Variants in FSTL4 observed in about 807,000 individuals in gnomAD.
The protein encoded by FSTL4 is follistatin like 4, also known as follistatin-related protein 4.
FSTL4 carries 28 observed loss-of-function variants against 78.2 expected under a neutral mutation model. The ratio of observed to expected loss-of-function variants is 0.36; its 90% CI spans 0.27 to 0.49. FSTL4 has a LOEUF of 0.49. Among genes scored for constraint, FSTL4 ranks in the 20% least tolerant of loss-of-function variants. The pLI, the probability that FSTL4 is intolerant of heterozygous loss-of-function variation, is 0.98. For missense variants in FSTL4, 922 were observed against 1,084.9 expected, an observed-to-expected ratio of 0.85 and a Z score of 2.11; for synonymous variants, 422 against 440.5, an observed-to-expected ratio of 0.96 and a Z score of 0.53.
chr5:133,560,858 G>A (rs901766372), intron 3 of FSTL4, among the ~76,000 whole-genome samples: 67 of 151,120 alleles, frequency 4.4e-4, no homozygotes, highest in Admixed American at 4.1e-3. Context: ...AGGCTGAGGC[G>A]GGCAGATCAC....
chr5:133,732,878 G>T, the FSTL4 span, among the ~76,000 whole-genome samples: 1 of 152,204 alleles, frequency 6.6e-6, no homozygotes, highest in Admixed American at 6.5e-5. Context: ...CCCAGCCAGT[G>T]AACAGGGAGA....
the FSTL4 span, among the ~76,000 whole-genome samples, chr5:133,841,893 G>A: frequency 6.6e-6 from 1 of 152,232 alleles, no homozygotes; most frequent in African/African-American, 2.4e-5. Context: ...GCAGAAAAAG[G>A]GCTAAGCAGG....
At chr5:133,362,725 A>G (rs973309616) in intron 4 of FSTL4, among the ~76,000 whole-genome samples, 3 of 152,236 alleles carry the variant, frequency 2.0e-5, no homozygotes, top group Non-Finnish European at 2.9e-5. Flanking sequence ...GGCGAGGCTG[A>G]GCACAGGAGG....
At chr5:133,472,289 T>C (rs1757840729) in intron 3 of FSTL4, among the ~76,000 whole-genome samples, 1 of 152,138 alleles carries the variant, frequency 6.6e-6, no homozygotes, top group East Asian at 1.9e-4. Context: ...ATGTGAGTAA[T>C]AGAAAGTGGA....
intron 2 of FSTL4, among the ~76,000 whole-genome samples, chr5:133,589,781 T>C (rs536693091): frequency 1.3e-5 from 2 of 152,254 alleles, no homozygotes; most frequent in African/African-American, 4.8e-5. Context: ...TTCAAAAATA[T>C]GTCCTTGGGG....
intron 3 of FSTL4, among the ~76,000 whole-genome samples, chr5:133,537,757 C>T (rs1367133013): frequency 2.0e-5 from 3 of 151,148 alleles, no homozygotes; most frequent in Admixed American, 6.6e-5. Flanking sequence ...AGCATTTTGC[C>T]CCATTTGCTT....
At chr5:133,318,296 A>G (rs1320350068) in intron 4 of FSTL4, among the ~76,000 whole-genome samples, 1 of 151,972 alleles carries the variant, frequency 6.6e-6, no homozygotes, top group East Asian at 1.9e-4. Context: ...GGCAAACCCA[A>G]TTCTCAAGTC....
chr5:133,596,428 G>T (rs188805462), intron 2 of FSTL4, among the ~76,000 whole-genome samples: 87 of 152,288 alleles, frequency 5.7e-4, no homozygotes, highest in Non-Finnish European at 1.0e-4. Flanking sequence ...AATAGAATAT[G>T]ACTTCCATTC....
At chr5:133,431,228 CTG>C (rs1756931236) in intron 3 of FSTL4, among the ~76,000 whole-genome samples, 1 of 152,234 alleles carries the variant, frequency 6.6e-6, no homozygotes. Context: ...ACCAAGAGAA[CTG>C]TGTTACCACC....
intron 6 of FSTL4, among the ~76,000 whole-genome samples, chr5:133,256,881 C>T (rs1472461425): frequency 6.6e-6 from 1 of 152,196 alleles, no homozygotes; most frequent in African/African-American, 2.4e-5. Flanking sequence ...AGTTAATTAC[C>T]TGCGGGTCAG....
chr5:133,229,414 T>G (rs1336134030), intron 8 of FSTL4, among the ~76,000 whole-genome samples: 3 of 151,966 alleles, frequency 2.0e-5, no homozygotes, highest in Non-Finnish European at 4.4e-5. Context: ...TCCCAGCTAC[T>G]TGGGAGGCTG....
the FSTL4 span, among the ~76,000 whole-genome samples, chr5:133,734,213 C>A: frequency 6.6e-6 from 1 of 151,890 alleles, no homozygotes; most frequent in Non-Finnish European, 1.5e-5. Flanking sequence ...CCATAGCAAG[C>A]AAATGTAACA....
intron 8 of FSTL4, among the ~76,000 whole-genome samples, chr5:133,231,744 T>C (rs1188581814): frequency 3.3e-5 from 5 of 152,312 alleles, no homozygotes; most frequent in South Asian, 4.1e-4. Flanking sequence ...GGTTTCACCA[T>C]GTTGGCCAGG....
In FSTL4 at chr5:133,596,662, A is replaced by G. The variant is rs564807149; in HGVS notation, c.126+7196T>C. Among the ~76,000 whole-genome samples, 6 of 152,178 alleles carry G rather than the reference A, an allele frequency of 3.9e-5. No individual in the cohort carries two copies. In the East Asian group the frequency reaches 1.2e-3, roughly 30 times the overall value. ...AACATCAAGCAGGTAGACAGGTGCTACCTTAGCCCGGTCCCACCGACCAAG... is the reference window on the plus strand; with the variant it reads ...AACATCAAGCAGGTAGACAGGTGCTGCCTTAGCCCGGTCCCACCGACCAAG... On this transcript the variant is annotated intron_variant, in intron 2 of 15. Transcript: ENST00000265342.
At chr5:133,430,895 T>C (rs1756921302) in intron 3 of FSTL4, among the ~76,000 whole-genome samples, 1 of 152,204 alleles carries the variant, frequency 6.6e-6, no homozygotes, top group South Asian at 2.1e-4. Flanking sequence ...AAGGACACCT[T>C]ATACAAACAA....
chr5:133,222,955 A>G (rs563725761), intron 11 of FSTL4, among the ~76,000 whole-genome samples: 3 of 152,334 alleles, frequency 2.0e-5, no homozygotes, highest in Admixed American at 1.3e-4. Flanking sequence ...TCACTGCTCA[A>G]TTGTTCAATA....
the FSTL4 span, among the ~76,000 whole-genome samples, chr5:133,781,021 G>A: frequency 2.0e-5 from 3 of 152,184 alleles, no homozygotes; most frequent in African/African-American, 7.2e-5. Context: ...CCCAACCCAG[G>A]TGCCGCCATG....
intron 4 of FSTL4, among the ~76,000 whole-genome samples, chr5:133,364,808 C>T (rs1755147569): frequency 6.6e-6 from 1 of 152,090 alleles, no homozygotes; most frequent in African/African-American, 2.4e-5. Flanking sequence ...ATCTTTGTGC[C>T]CGTGGTTTTA....
chr5:133,660,519 T>A, the FSTL4 span, among the ~76,000 whole-genome samples: 1 of 152,110 alleles, frequency 6.6e-6, no homozygotes, highest in Admixed American at 6.5e-5. Flanking sequence ...GGCAGAACAT[T>A]CCCAGATGTG....
Sources: gnomAD v4.1 joint callset for allele counts (sites outside exome capture counted in the v4.1 genomes callset) on GRCh38, gnomAD v4.1.1 for gene constraint, MANE v1.5 for transcripts, NCBI Gene and HGNC (gene_info 2026-07-23, HGNC 2026-07-21) for gene names.